Variants in NEDD4 observed in about 807,000 individuals in gnomAD.
The protein encoded by NEDD4 is E3 ubiquitin-protein ligase NEDD4.
In NEDD4, 99 loss-of-function variants were observed where a neutral mutation model predicts 144.9. The ratio of observed to expected loss-of-function variants is 0.68; its 90% CI spans 0.58 to 0.81. The LOEUF (loss-of-function observed/expected upper bound fraction) is 0.81, where lower values mean the gene tolerates loss of function less well. NEDD4 is among the 30% of genes least tolerant of loss of function. The probability of loss-of-function intolerance (pLI) is 0.00; values close to 1 mark genes in which losing one functional copy is unlikely to be tolerated. For missense variants in NEDD4, 985 were observed against 1,065.9 expected (o/e 0.92, Z 1.06); for synonymous variants, 318 against 350.6 (o/e 0.91, Z 1.04).
chr15:55,959,520 T>C (rs2037392578), intron 2 of NEDD4, among the ~76,000 whole-genome samples: 1 of 152,250 alleles, frequency 6.6e-6, no homozygotes, highest in South Asian at 2.1e-4. Context: ...GGGCAGCTCC[T>C]ATTATCCCCA....
At position 55,979,252 on chromosome 15, in the gene NEDD4, C is replaced by T. The variant is rs1215745552; in HGVS notation, c.46-12706G>A. ...AAAATAAGAATGCTGAAATCTATGA[C>T]AACTGTAAAAGCACACACAGAAAGA... On this transcript the variant is annotated intron_variant, in intron 1 of 28. Transcript: ENST00000435532. Among the ~76,000 whole-genome samples, 4 of 146,696 alleles carry T rather than the reference C, an allele frequency of 2.7e-5. No individual in the cohort carries two copies. The East Asian group carries it at 7.9e-4, about 29-fold the overall frequency.
chr15:55,959,584 C>T (rs752843909), intron 2 of NEDD4, among the ~76,000 whole-genome samples: 6 of 152,142 alleles, frequency 3.9e-5, no homozygotes, highest in Non-Finnish European at 8.8e-5. Context: ...TGGGACAGAT[C>T]TATATATTCT....
chr15:55,956,278 A>T (rs1428804727), intron 2 of NEDD4, among the ~76,000 whole-genome samples: 1 of 152,084 alleles, frequency 6.6e-6, no homozygotes, highest in Admixed American at 6.6e-5. Context: ...ATTTTCCGTA[A>T]CCTTGTTTCT....
intron 5 of NEDD4, among the ~76,000 whole-genome samples, chr15:55,885,049 G>C (rs1358683642): frequency 1.3e-5 from 2 of 152,146 alleles, no homozygotes; most frequent in African/African-American, 4.8e-5. Context: ...GATCCTAAAA[G>C]CAGCAAAAGA....
chr15:55,959,430 T>C (rs1197036292), intron 2 of NEDD4, among the ~76,000 whole-genome samples: 5 of 152,214 alleles, frequency 3.3e-5, no homozygotes, highest in African/African-American at 9.6e-5. Context: ...ATGGTCTATC[T>C]TGATTAACGT....
chr15:55,922,643 A>G (rs1485180503), intron 5 of NEDD4, among the ~76,000 whole-genome samples: 3 of 152,208 alleles, frequency 2.0e-5, no homozygotes, highest in Non-Finnish European at 2.9e-5. Flanking sequence ...GATTACAGGC[A>G]TAAGCAACCA....
At chr15:55,963,170 C>T (rs1314361111) in intron 2 of NEDD4, among the ~76,000 whole-genome samples, 2 of 145,682 alleles carry the variant, frequency 1.4e-5, no homozygotes, top group Admixed American at 7.0e-5. Flanking sequence ...CTCACTCTGT[C>T]GCCTAGGCTG....
intron 5 of NEDD4, among the ~76,000 whole-genome samples, chr15:55,913,936 C>T (rs1194148398): frequency 5.3e-5 from 8 of 151,866 alleles, no homozygotes; most frequent in Non-Finnish European, 1.2e-4. Flanking sequence ...CTCAGTGCCA[C>T]TTCATTTCTT....
intron 5 of NEDD4, among the ~76,000 whole-genome samples, chr15:55,912,596 G>A (rs2036310575): frequency 6.6e-6 from 1 of 152,078 alleles, no homozygotes; most frequent in Admixed American, 6.5e-5. Flanking sequence ...TAACATAGGA[G>A]ATTTAGAAAA....
intron 1 of NEDD4, among the ~76,000 whole-genome samples, chr15:55,982,803 T>C (rs2037825182): frequency 6.6e-6 from 1 of 152,126 alleles, no homozygotes; most frequent in Non-Finnish European, 1.5e-5. Flanking sequence ...ACTGAGAAAG[T>C]TCAATTCCAA....
intron 5 of NEDD4, among the ~76,000 whole-genome samples, chr15:55,923,087 G>A (rs138742175): frequency 0.01 from 1,556 of 152,176 alleles, 15 homozygotes; most frequent in Non-Finnish European, 0.015. Flanking sequence ...GGAAGGCTGA[G>A]GCAGGAGAAT....
At chr15:55,977,938 T>C (rs1275750262) in intron 1 of NEDD4, among the ~76,000 whole-genome samples, 1 of 152,148 alleles carries the variant, frequency 6.6e-6, no homozygotes, top group Non-Finnish European at 1.5e-5. Flanking sequence ...GATGACTTAA[T>C]TAACAAGTAC....
At chr15:55,903,042 G>C (rs1182902468) in intron 5 of NEDD4, among the ~76,000 whole-genome samples, 3 of 151,996 alleles carry the variant, frequency 2.0e-5, no homozygotes, top group Non-Finnish European at 4.4e-5. Flanking sequence ...ATATTTGCGA[G>C]AGAAACTGGT....
At chr15:55,885,916 T>TA (rs139880232) in intron 5 of NEDD4, among the ~76,000 whole-genome samples, 83 of 145,502 alleles carry the variant, frequency 5.7e-4, no homozygotes, top group Middle Eastern at 7.1e-3. Context: ...TGAATAGATT[T>TA]AAAAAAAAAA....
Position 55,972,727 on chromosome 15 carries a change from A to T in NEDD4, c.46-6181T>A, listed in dbSNP as rs2037632110. Reference sequence around the variant, plus strand: ...TGGATTAACAAAACAGTACCCAACAATCTGTTGCATACAAGAAACACACTT... The same window carrying T: ...TGGATTAACAAAACAGTACCCAACATTCTGTTGCATACAAGAAACACACTT... On this transcript the variant is annotated intron_variant, in intron 1 of 28. Transcript: ENST00000435532. Among the ~76,000 whole-genome samples the T allele has an allele frequency of 2.6e-5, 4 of 152,240 alleles. No homozygotes were observed. In the South Asian group the frequency reaches 8.3e-4, roughly 31 times the overall value.
intron 2 of NEDD4, among the ~76,000 whole-genome samples, chr15:55,964,277 T>A (rs1468815666): frequency 7.9e-5 from 12 of 151,734 alleles, no homozygotes. Context: ...AGCTAACAAA[T>A]CCTCAAGGCT....
At chr15:55,915,396 C>G in intron 5 of NEDD4, 1 of 1,613,766 alleles carries the variant, frequency 6.2e-7, no homozygotes, top group Non-Finnish European at 8.5e-7. Context: ...AGATGGTCCC[C>G]CTTTAGAACA....
In NEDD4 at chr15:55,966,502, G is replaced by A. The variant is rs2037515319; in HGVS notation, c.90C>T (p.Gly30=). The A allele has an allele frequency of 2.0e-6, 3 of 1,534,040 alleles. No homozygotes were observed. The highest frequency in any genetic ancestry group is 2.6e-6 in the Non-Finnish European group (3 of 1,140,330). The stretch of plus-strand genomic sequence containing the variant: ...CTCCCAATATATCCTTCTTGGCAAG[G>A]CCTATTCCGGCTATAACTCTTACTC... ...IVRVRVIAGI[G]LAKKDILGAS... Residue 30 remains glycine (G), a synonymous_variant, in exon 2 of 29, where the codon GGC becomes GGT. Transcript: ENST00000435532.
intron 5 of NEDD4, among the ~76,000 whole-genome samples, chr15:55,919,930 C>T (rs1328346098): frequency 6.6e-6 from 1 of 152,138 alleles, no homozygotes; most frequent in Non-Finnish European, 1.5e-5. Flanking sequence ...GGTCAAACAT[C>T]AGTATAGACA....
Sources: gnomAD v4.1 joint callset for allele counts (sites outside exome capture counted in the v4.1 genomes callset) on GRCh38, gnomAD v4.1.1 for gene constraint, MANE v1.5 for transcripts, NCBI Gene and HGNC (gene_info 2026-07-23, HGNC 2026-07-21) for gene names.